The following CCDC141 variants were observed in gnomAD, a reference collection of about 807,000 sequenced individuals.
CCDC141 encodes the protein coiled-coil domain-containing protein 141.
CCDC141 carries 168 observed loss-of-function variants against 181.0 expected under a neutral mutation model. The ratio of observed to expected loss-of-function variants is 0.93; its 90% CI spans 0.82 to 1.05. The LOEUF (loss-of-function observed/expected upper bound fraction) is 1.05, where lower values mean the gene tolerates loss of function less well. Ranked by LOEUF, CCDC141 falls within the 50% of genes least tolerant of loss-of-function variation. The pLI is 0.00. For missense variants in CCDC141, 1,902 were observed against 1,788.5 expected, an observed-to-expected ratio of 1.06 and a Z score of -1.14; for synonymous variants, 666 against 642.3, an observed-to-expected ratio of 1.04 and a Z score of -0.56.
At chr2:178,961,598 G>A in intron 4 of CCDC141, 115 bp from the exon 5 acceptor site, 1 of 901,102 alleles carries the variant, frequency 1.1e-6, no homozygotes, top group Non-Finnish European at 1.6e-6. Flanking sequence ...TAAAAAACAA[G>A]TTGTGCTGCA....
At chr2:179,036,894 A>G (rs1311694020) in intron 2 of CCDC141, among the ~76,000 whole-genome samples, 1 of 152,266 alleles carries the variant, frequency 6.6e-6, no homozygotes, top group African/African-American at 2.4e-5. Context: ...TTCTGAATCA[A>G]CTGAGAAATA....
downstream of CCDC141, among the ~76,000 whole-genome samples, chr2:178,828,288 G>C (rs1415851278): frequency 6.6e-6 from 1 of 152,112 alleles, no homozygotes; most frequent in Non-Finnish European, 1.5e-5. Flanking sequence ...CTGACACTCA[G>C]CGTCCTCACC....
At chr2:178,821,316 T>C in the CCDC141 span, among the ~76,000 whole-genome samples, 5 of 152,204 alleles carry the variant, frequency 3.3e-5, no homozygotes, top group Admixed American at 1.3e-4. Flanking sequence ...AAAAGTACAC[T>C]ATTCTGAGCA....
intron 2 of CCDC141, among the ~76,000 whole-genome samples, chr2:179,012,599 T>TGG (rs1469361466): frequency 1.2e-3 from 189 of 152,064 alleles, no homozygotes; most frequent in African/African-American, 4.4e-3. Flanking sequence ...GAAGGAACCC[T>TGG]CCCTAATTCA....
chr2:178,981,162 A>T (rs1242803835), intron 2 of CCDC141, among the ~76,000 whole-genome samples: 1 of 152,174 alleles, frequency 6.6e-6, no homozygotes. Context: ...AGACTTCAAC[A>T]TCCTTCTATC....
chr2:178,992,903 A>C (rs959629515), intron 2 of CCDC141, among the ~76,000 whole-genome samples: 2 of 152,072 alleles, frequency 1.3e-5, no homozygotes, highest in Non-Finnish European at 2.9e-5. Flanking sequence ...TTTTGTCGGC[A>C]CTTCTCTTTG....
At position 178,841,009 on chromosome 2, in the gene CCDC141, T is replaced by C. The variant is rs189341891; in HGVS notation, c.3475-3265A>G. On this transcript the variant is annotated intron_variant, in intron 22 of 23. Transcript: ENST00000443758. ...TAAGTAATCAGTGGAATCATCATCT[T>C]CTTGACTTATATGATATGTTTTTAT... 2.8e-3 allele frequency among the ~76,000 whole-genome samples: 431 copies of C among 152,322 alleles called. 2 individuals are homozygous for C. The highest frequency in any genetic ancestry group is 9.6e-3 in the African/African-American group (398 of 41,570).
chr2:178,860,784 T>A (rs985141164), intron 17 of CCDC141, among the ~76,000 whole-genome samples: 1 of 151,952 alleles, frequency 6.6e-6, no homozygotes, highest in East Asian at 1.9e-4. Context: ...GTGGGATAAC[T>A]TGGGAAGACG....
At chr2:178,891,773 ATCTCTC>A (rs34185031) in intron 8 of CCDC141, among the ~76,000 whole-genome samples, 322 of 149,374 alleles carry the variant, frequency 2.2e-3, no homozygotes, top group East Asian at 7.7e-3. Context: ...ATCATATAGG[ATCTCTC>A]TCTCTCTCTC....
chr2:179,037,255 G>T (rs771419017), intron 2 of CCDC141, among the ~76,000 whole-genome samples: 2 of 152,226 alleles, frequency 1.3e-5, no homozygotes, highest in Non-Finnish European at 2.9e-5. Flanking sequence ...AGAAAGTGAG[G>T]AGATATAAGT....
chr2:178,989,459 T>C (rs1691923076), intron 2 of CCDC141, among the ~76,000 whole-genome samples: 1 of 151,542 alleles, frequency 6.6e-6, no homozygotes, highest in Non-Finnish European at 1.5e-5. Context: ...CCAGGTGTGG[T>C]GGTGGGCACC....
At chr2:178,977,569 T>A (rs1397171712) in intron 3 of CCDC141, among the ~76,000 whole-genome samples, 1 of 152,204 alleles carries the variant, frequency 6.6e-6, no homozygotes, top group Non-Finnish European at 1.5e-5. Flanking sequence ...ATAAGGTTTT[T>A]ATTCCTCCCT....
chr2:178,923,142 T>C (rs542050045), intron 6 of CCDC141, among the ~76,000 whole-genome samples: 1 of 149,744 alleles, frequency 6.7e-6, no homozygotes, highest in South Asian at 2.2e-4. Context: ...TCTCGCTCTG[T>C]CGCCCAGGCT....
At chr2:179,012,917 C>G (rs151207634) in intron 2 of CCDC141, among the ~76,000 whole-genome samples, 5 of 152,118 alleles carry the variant, frequency 3.3e-5, no homozygotes, top group Admixed American at 2.0e-4. Context: ...ATCCAGCATC[C>G]CTTTATGATT....
intron 5 of CCDC141, among the ~76,000 whole-genome samples, chr2:178,949,455 C>A (rs766312632): frequency 4.6e-5 from 7 of 152,120 alleles, no homozygotes; most frequent in African/African-American, 1.4e-4. Context: ...TAGGTAGGGA[C>A]AGAAATGCCA....
intron 2 of CCDC141, among the ~76,000 whole-genome samples, chr2:178,997,782 C>A (rs1277471584): frequency 6.6e-6 from 1 of 152,116 alleles, no homozygotes; most frequent in Non-Finnish European, 1.5e-5. Context: ...TAGAGCTATA[C>A]AATTCTTTTA....
intron 18 of CCDC141, 90 bp downstream of exon 18, chr2:178,856,167 A>G: frequency 8.5e-7 from 1 of 1,176,058 alleles, no homozygotes. Flanking sequence ...AGAGTTAGGT[A>G]TCTAGATTTG....
chr2:178,857,629 G>T (rs1441476088), intron 17 of CCDC141, among the ~76,000 whole-genome samples: 1 of 152,040 alleles, frequency 6.6e-6, no homozygotes, highest in Non-Finnish European at 1.5e-5. Context: ...TAAGCATATC[G>T]ACAGGCAACT....
intron 6 of CCDC141, among the ~76,000 whole-genome samples, chr2:178,938,600 C>G (rs939524725): frequency 6.6e-6 from 1 of 152,064 alleles, no homozygotes; most frequent in Non-Finnish European, 1.5e-5. Flanking sequence ...CTGTAGATGT[C>G]TAATATATCC....
Sources: gnomAD v4.1 joint callset for allele counts (sites outside exome capture counted in the v4.1 genomes callset) on GRCh38, gnomAD v4.1.1 for gene constraint, MANE v1.5 for transcripts, NCBI Gene and HGNC (gene_info 2026-07-23, HGNC 2026-07-21) for gene names.